Variants in SLC5A9 observed in about 807,000 individuals in gnomAD.
SLC5A9 encodes the protein solute carrier family 5 member 9.
In SLC5A9, 59 loss-of-function variants were observed where a neutral mutation model predicts 70.9. That is an observed-to-expected ratio of 0.83 (90% CI 0.68 to 1.03). The LOEUF (loss-of-function observed/expected upper bound fraction) is 1.03. Among genes scored for constraint, SLC5A9 ranks in the 50% least tolerant of loss-of-function variants. SLC5A9 has a pLI of 0.00. For synonymous variants in SLC5A9, 340 were observed against 346.5 expected (o/e 0.98, Z 0.21); for missense variants, 832 against 881.1 (o/e 0.94, Z 0.71).
chr1:48,234,702 C>T lies in SLC5A9; in HGVS notation c.1141+940C>T, dbSNP rs573023621. The stretch of plus-strand genomic sequence containing the variant: ...AGAGAGGTGGGATTATGGAGGGCAG[C>T]AGAGTAGAGTTATTCCCTCCCTGTG... On this transcript the variant is annotated intron_variant, in intron 9 of 13. Transcript: ENST00000438567. Among the ~76,000 whole-genome samples, 3 of 152,162 alleles carry T rather than the reference C, an allele frequency of 2.0e-5. No individual in the cohort carries two copies. In the South Asian group the frequency reaches 6.2e-4, roughly 32 times the overall value.
At chr1:48,225,976 CA>C (rs573230647) in intron 2 of SLC5A9, among the ~76,000 whole-genome samples, 3 of 152,138 alleles carry the variant, frequency 2.0e-5, no homozygotes, top group Non-Finnish European at 4.4e-5. Flanking sequence ...GTCACAGACT[CA>C]TTAAAGAGTA....
intron 1 of SLC5A9, 99 bp downstream of exon 1, chr1:48,222,997 C>G: frequency 7.8e-7 from 1 of 1,280,738 alleles, no homozygotes; most frequent in Non-Finnish European, 1.1e-6. Context: ...CAGAAAGAAG[C>G]AGATCATAGA....
At chr1:48,231,451 C>T (rs879630734) in intron 5 of SLC5A9, 94 bp from the exon 6 acceptor site, 30 of 1,479,904 alleles carry the variant, frequency 2.0e-5, no homozygotes, top group Non-Finnish European at 2.6e-5. Context: ...TGTGTGTCTT[C>T]TCTGGTCTCC....
chr1:48,236,019 A>T (rs1362191294), intron 10 of SLC5A9, 140 bp downstream of exon 10: 30 of 932,316 alleles, frequency 3.2e-5, no homozygotes, highest in Non-Finnish European at 4.7e-5. Context: ...TCTCCACATG[A>T]TTTCAAGTAA....
chr1:48,242,294 G>A, intron 12 of SLC5A9, 163 bp from the exon 13 acceptor site: 1 of 758,870 alleles, frequency 1.3e-6, no homozygotes, highest in Non-Finnish European at 2.2e-6. Flanking sequence ...TTTGAAGAAA[G>A]AGGAAGTCAG....
chr1:48,233,348 G>A (rs1314931404), intron 8 of SLC5A9, among the ~76,000 whole-genome samples: 3 of 121,560 alleles, frequency 2.5e-5, no homozygotes, highest in East Asian at 2.3e-4. Flanking sequence ...GTGACAGAGC[G>A]TGACTCCATC....
At chr1:48,233,425 G>A (rs1375815433) in intron 8 of SLC5A9, among the ~76,000 whole-genome samples, 1 of 151,210 alleles carries the variant, frequency 6.6e-6, no homozygotes, top group Non-Finnish European at 1.5e-5. Flanking sequence ...TAGGCTTTGT[G>A]GGCCAAACAT....
Position 48,235,747 on chromosome 1 carries a change from T to C in SLC5A9, c.1160T>C (p.Ile387Thr). 1.2e-6 allele frequency: 2 copies of C among 1,614,190 alleles called. No homozygotes were observed. Among genetic ancestry groups the C allele is most frequent in the Non-Finnish European group, 1.7e-6 (2 of 1,180,020 alleles). The part of the protein sequence containing the change: ...LMPVGLRGLM[I>T]AVIMAALMSS... ...TCCCCAGGTCTGCGGGGGCTGATGA[T>C]TGCCGTGATCATGGCCGCTCTCATG... is the stretch of plus-strand genomic sequence containing the variant. The change falls in exon 10 of 14, where the codon ATT becomes ACT. Residue 387 changes from isoleucine to threonine, a missense_variant. Coordinates refer to ENST00000438567, the MANE Select transcript of SLC5A9 (RefSeq NM_001011547.3).
intron 12 of SLC5A9, chr1:48,242,033 C>T (rs748031228): frequency 2.2e-6 from 1 of 457,430 alleles, no homozygotes; most frequent in South Asian, 1.5e-5. Context: ...GATCCTGGCA[C>T]TTACAGTCTA....
At chr1:48,225,328 G>A (rs1330808172) in intron 2 of SLC5A9, among the ~76,000 whole-genome samples, 4 of 152,090 alleles carry the variant, frequency 2.6e-5, no homozygotes, top group African/African-American at 9.7e-5. Flanking sequence ...AACTTTGTGA[G>A]CCACAGTTTC....
At chr1:48,227,636 T>C (rs745325194) in intron 2 of SLC5A9, among the ~76,000 whole-genome samples, 4 of 151,976 alleles carry the variant, frequency 2.6e-5, no homozygotes, top group Non-Finnish European at 4.4e-5. Flanking sequence ...AGAGTGTGTG[T>C]GTACTGTGCC....
intron 12 of SLC5A9, among the ~76,000 whole-genome samples, chr1:48,240,693 G>A (rs1644381342): frequency 6.6e-6 from 1 of 152,082 alleles, no homozygotes; most frequent in Non-Finnish European, 1.5e-5. Flanking sequence ...TCTTCCCGAA[G>A]TCTTCCCCAG....
At chr1:48,224,873 C>T (rs1038299060) in intron 2 of SLC5A9, 78 bp downstream of exon 2, 73 of 1,351,794 alleles carry the variant, frequency 5.4e-5, no homozygotes, top group Non-Finnish European at 7.4e-5. Context: ...GCACTTGTCC[C>T]ATCTTCTCAC....
In SLC5A9 at chr1:48,247,735, T is replaced by C. The variant is rs1356745438; in HGVS notation, c.*192T>C. ...AGAAACAGAAGCCCAGAGAGAGCAC[T>C]GGGTTTGTTCAGGACCACCCAGAAG... is the stretch of plus-strand genomic sequence containing the variant. On this transcript the variant is annotated 3_prime_UTR_variant, in exon 14 of 14. Coordinates refer to ENST00000438567, the MANE Select transcript of SLC5A9 (RefSeq NM_001011547.3). 1.6e-6 allele frequency: 1 copy of C among 627,184 alleles called. No individual in the cohort carries two copies. Among genetic ancestry groups the C allele is most frequent in the African/African-American group, 1.8e-5 (1 of 54,572 alleles). 38.9% of individuals were successfully genotyped at this position (627,184 alleles called of 1,614,324 possible).
chr1:48,237,361 T>TG (rs71853018), intron 10 of SLC5A9, among the ~76,000 whole-genome samples: 1 of 95,576 alleles, frequency 1.0e-5, no homozygotes, highest in African/African-American at 3.9e-5. Flanking sequence ...TTGACTGGGG[T>TG]GGGGGGTGGG....
intron 13 of SLC5A9, among the ~76,000 whole-genome samples, chr1:48,244,195 A>G (rs1310855275): frequency 6.6e-6 from 1 of 152,156 alleles, no homozygotes; most frequent in Non-Finnish European, 1.5e-5. Context: ...GCTTTCTCTC[A>G]TTGGATTGGC....
intron 4 of SLC5A9, 111 bp downstream of exon 4, chr1:48,229,570 A>T (rs998764538): frequency 6.5e-6 from 10 of 1,528,318 alleles, no homozygotes; most frequent in Non-Finnish European, 8.8e-6. Flanking sequence ...ACTGTTGAAA[A>T]AAAGGAAAGC....
At chr1:48,242,047 G>T (rs559626537) in intron 12 of SLC5A9, 2 of 458,356 alleles carry the variant, frequency 4.4e-6, no homozygotes, top group South Asian at 3.1e-5. Flanking sequence ...CAGTCTATCT[G>T]CTGCTTAAAG....
In SLC5A9 at chr1:48,239,682, C is replaced by A; in HGVS notation, c.1677+145C>A. 1.4e-6 allele frequency: 1 copy of A among 724,286 alleles called. No homozygotes were observed. The allele number at this position is 724,286 out of a possible 1,614,324, so 44.9% of individuals were successfully genotyped here. On this transcript the variant is annotated intron_variant, in intron 12 of 13. Coordinates refer to ENST00000438567, the MANE Select transcript of SLC5A9 (RefSeq NM_001011547.3). This position sits in a 1 kb window ranked among gnomAD's most constrained non-coding sequence, Gnocchi z 4.2. Reference sequence around the variant, plus strand: ...TCCTTGGGAGGGAAAGTGCCTTGGGCTATGAATTCCCCATTGAAAAGTAAT... The same window carrying A: ...TCCTTGGGAGGGAAAGTGCCTTGGGATATGAATTCCCCATTGAAAAGTAAT...
Sources: allele counts gnomAD v4.1 joint callset (sites outside exome capture counted in the v4.1 genomes callset), GRCh38; gene constraint gnomAD v4.1.1; non-coding constraint Gnocchi (gnomAD v3.1); transcripts MANE v1.5; gene names NCBI Gene and HGNC (gene_info 2026-07-23, HGNC 2026-07-21).